IL1RAPL2: variants seen among roughly 807,000 people sequenced by gnomAD.
The protein encoded by IL1RAPL2 is interleukin 1 receptor accessory protein like 2, also known as X-linked interleukin-1 receptor accessory protein-like 2.
A neutral mutation model predicts 44.1 loss-of-function variants in IL1RAPL2; 3 were observed. The ratio of observed to expected loss-of-function variants is 0.07; its 90% CI spans 0.03 to 0.18. The LOEUF (loss-of-function observed/expected upper bound fraction) is 0.18. Ranked by LOEUF, IL1RAPL2 falls within the 10% of genes least tolerant of loss-of-function variation. The pLI is 1.00. For synonymous variants in IL1RAPL2, 181 were observed against 178.8 expected (o/e 1.01, Z -0.10); for missense variants, 391 against 496.4 (o/e 0.79, Z 2.02).
intron 5 of IL1RAPL2, chrX:105,406,597 T>A (rs2035646933): frequency 1.7e-6 from 2 of 1,185,198 alleles, no homozygotes; most frequent in East Asian, 5.9e-5. Context: ...TACATTAACT[T>A]CAAAATGGCC....
At chrX:105,695,380 T>C (rs1035157151) in intron 6 of IL1RAPL2, among the ~76,000 whole-genome samples, 2 of 111,737 alleles carry the variant, frequency 1.8e-5, no homozygotes, top group African/African-American at 6.5e-5. Flanking sequence ...AGATCATGTC[T>C]TTTAGAGCAT....
At chrX:104,802,601 T>C (rs907084290) in intron 2 of IL1RAPL2, among the ~76,000 whole-genome samples, 8 of 111,784 alleles carry the variant, frequency 7.2e-5, no homozygotes, top group Non-Finnish European at 1.5e-4. Flanking sequence ...TTTTGTATTT[T>C]GCTTTTTCAA....
intron 1 of IL1RAPL2, among the ~76,000 whole-genome samples, chrX:104,614,292 A>G (rs1929226711): frequency 9.0e-6 from 1 of 111,420 alleles, no homozygotes; most frequent in South Asian, 3.7e-4. Flanking sequence ...CATTAATTTG[A>G]GTTCTTTCTA....
chrX:104,824,743 A>G (rs1011359257), intron 2 of IL1RAPL2, among the ~76,000 whole-genome samples: 1 of 110,722 alleles, frequency 9.0e-6, no homozygotes, highest in Non-Finnish European at 1.9e-5. Context: ...TCCCCTTTAT[A>G]CTTTTTTATT....
At chrX:104,692,796 T>A (rs747109787) in intron 2 of IL1RAPL2, among the ~76,000 whole-genome samples, 1 of 111,844 alleles carries the variant, frequency 8.9e-6, no homozygotes, top group African/African-American at 3.2e-5. Flanking sequence ...ATAGTGCCGC[T>A]ATAAACATAC....
intron 6 of IL1RAPL2, among the ~76,000 whole-genome samples, chrX:105,485,620 C>T (rs1281999285): frequency 9.0e-6 from 1 of 111,094 alleles, no homozygotes; most frequent in Non-Finnish European, 1.9e-5. Flanking sequence ...CCCTTCCTAG[C>T]CTCTGGTAGC....
intron 6 of IL1RAPL2, among the ~76,000 whole-genome samples, chrX:105,508,321 A>T (rs977326300): frequency 9.0e-6 from 1 of 111,416 alleles, no homozygotes; most frequent in African/African-American, 3.3e-5. Context: ...CTTTTAAGAG[A>T]TCATATTGCT....
chrX:104,657,106 C>G (rs1487723807), intron 1 of IL1RAPL2, among the ~76,000 whole-genome samples: 2 of 111,231 alleles, frequency 1.8e-5, no homozygotes. Flanking sequence ...ATACAGCACA[C>G]TGATTGGTCT....
intron 6 of IL1RAPL2, among the ~76,000 whole-genome samples, chrX:105,602,836 C>A (rs2037264394): frequency 1.9e-5 from 2 of 107,936 alleles, no homozygotes; most frequent in African/African-American, 3.4e-5. Flanking sequence ...GCACTATACC[C>A]AGCAAAGCTA....
chrX:105,084,132 C>G (rs1163088119), intron 2 of IL1RAPL2, among the ~76,000 whole-genome samples: 1 of 112,450 alleles, frequency 8.9e-6, no homozygotes, highest in African/African-American at 3.2e-5. Context: ...AGGGGAAGAG[C>G]TCTCATGGAG....
intron 2 of IL1RAPL2, among the ~76,000 whole-genome samples, chrX:105,078,024 C>T (rs112055754): frequency 8.9e-6 from 1 of 111,734 alleles, no homozygotes; most frequent in Admixed American, 9.5e-5. Context: ...CTTCTGGAGC[C>T]TTCCTCTCTC....
intron 2 of IL1RAPL2, among the ~76,000 whole-genome samples, chrX:105,185,310 A>G (rs1009757238): frequency 8.0e-5 from 9 of 112,017 alleles, no homozygotes; most frequent in African/African-American, 2.9e-4. Flanking sequence ...ATTGAAAGTG[A>G]ATTGGAAAAA....
chrX:105,522,205 T>G (rs2036563961), intron 6 of IL1RAPL2, among the ~76,000 whole-genome samples: 1 of 112,028 alleles, frequency 8.9e-6, no homozygotes, highest in Non-Finnish European at 1.9e-5. Context: ...AATTATTTAG[T>G]TTGAGGGAGG....
At chrX:104,935,100 A>G (rs1047089887) in intron 2 of IL1RAPL2, among the ~76,000 whole-genome samples, 11 of 112,155 alleles carry the variant, frequency 9.8e-5, no homozygotes, top group Non-Finnish European at 1.7e-4. Flanking sequence ...TGTTGCTATT[A>G]TATTCAACAA....
chrX:105,717,993 CAT>C (rs1325785381), intron 7 of IL1RAPL2, among the ~76,000 whole-genome samples: 1 of 112,370 alleles, frequency 8.9e-6, no homozygotes, highest in Non-Finnish European at 1.9e-5. Context: ...CAATTTAGTA[CAT>C]GTTTAGACCT....
At chrX:105,183,209 G>A (rs1602996358) in intron 2 of IL1RAPL2, among the ~76,000 whole-genome samples, 1 of 111,520 alleles carries the variant, frequency 9.0e-6, no homozygotes, top group East Asian at 2.8e-4. Context: ...AGCACACAGT[G>A]GTTCTGTTGC....
At chrX:105,059,980 G>C (rs1204477038) in intron 2 of IL1RAPL2, among the ~76,000 whole-genome samples, 3 of 112,030 alleles carry the variant, frequency 2.7e-5, no homozygotes, top group Non-Finnish European at 5.6e-5. Flanking sequence ...CAATGGGATT[G>C]CTGGATCATA....
At chrX:105,240,899 C>T (rs1342141428) in intron 4 of IL1RAPL2, among the ~76,000 whole-genome samples, 2 of 110,807 alleles carry the variant, frequency 1.8e-5, no homozygotes, top group African/African-American at 3.3e-5. Context: ...CTGAGGCAGG[C>T]GGATCTTTTG....
intron 2 of IL1RAPL2, among the ~76,000 whole-genome samples, chrX:104,842,687 C>A (rs1189686960): frequency 8.9e-6 from 1 of 112,156 alleles, no homozygotes; most frequent in East Asian, 2.8e-4. Flanking sequence ...GAGGTCCATT[C>A]CAGACCCTTT....
Sources: gnomAD v4.1 joint callset for allele counts (sites outside exome capture counted in the v4.1 genomes callset) on GRCh38, gnomAD v4.1.1 for gene constraint, MANE v1.5 for transcripts, NCBI Gene and HGNC (gene_info 2026-07-23, HGNC 2026-07-21) for gene names.